The following SV2C variants were observed in gnomAD, a reference collection of about 807,000 sequenced individuals.
The protein encoded by SV2C is solute carrier family 22 member B3.
In SV2C, 49 loss-of-function variants were observed where a neutral mutation model predicts 79.7. The observed-to-expected ratio is 0.61, with a 90% confidence interval of 0.49 to 0.78. SV2C has a LOEUF of 0.78. Among genes scored for constraint, SV2C ranks in the 30% least tolerant of loss-of-function variants. The pLI is 0.00. For missense variants in SV2C, 833 were observed against 912.9 expected, an observed-to-expected ratio of 0.91 and a Z score of 1.13; for synonymous variants, 334 against 333.2, an observed-to-expected ratio of 1.00 and a Z score of -0.03.
the SV2C span, among the ~76,000 whole-genome samples, chr5:76,048,302 C>T: frequency 3.1e-4 from 47 of 152,226 alleles, 1 homozygote; most frequent in South Asian, 8.9e-3. Context: ...CACCGATGTC[C>T]GAGGGCAAGA....
intron 9 of SV2C, among the ~76,000 whole-genome samples, chr5:76,296,999 A>T (rs1482346342): frequency 1.3e-5 from 2 of 152,188 alleles, no homozygotes; most frequent in Non-Finnish European, 2.9e-5. Flanking sequence ...CTCCATTAGA[A>T]ATTTCTAATA....
chr5:76,022,811 C>T, the SV2C span, among the ~76,000 whole-genome samples: 1 of 152,178 alleles, frequency 6.6e-6, no homozygotes, highest in South Asian at 2.1e-4. Flanking sequence ...GCTTCTGCTA[C>T]ATCAGCATCT....
chr5:76,026,312 A>G, the SV2C span, among the ~76,000 whole-genome samples: 1 of 152,102 alleles, frequency 6.6e-6, no homozygotes, highest in Non-Finnish European at 1.5e-5. Flanking sequence ...GTGCAAATGA[A>G]GACTTTTTCT....
chr5:76,036,579 C>G, the SV2C span, among the ~76,000 whole-genome samples: 1 of 152,208 alleles, frequency 6.6e-6, no homozygotes, highest in South Asian at 2.1e-4. Context: ...GGCCCCCACT[C>G]TCTTCTGGCA....
At chr5:76,064,642 A>G in the SV2C span, among the ~76,000 whole-genome samples, 1 of 152,142 alleles carries the variant, frequency 6.6e-6, no homozygotes, top group African/African-American at 2.4e-5. Context: ...TACAATTCAA[A>G]TACCAAGGAA....
the SV2C span, among the ~76,000 whole-genome samples, chr5:76,041,539 C>G: frequency 2.6e-5 from 4 of 152,134 alleles, no homozygotes; most frequent in African/African-American, 7.2e-5. Context: ...CTCAGGACAT[C>G]TGGGCAAGGA....
the SV2C span, among the ~76,000 whole-genome samples, chr5:75,913,330 C>G: frequency 3.3e-5 from 5 of 152,264 alleles, 1 homozygote; most frequent in Middle Eastern, 6.8e-3. Flanking sequence ...ATAACTGTAT[C>G]ATGCTTCTGA....
the SV2C span, among the ~76,000 whole-genome samples, chr5:75,919,344 C>G: frequency 3.3e-5 from 5 of 152,314 alleles, no homozygotes; most frequent in East Asian, 5.8e-4. Context: ...CAGTGTTTTT[C>G]TACCTTATGC....
At chr5:75,999,909 T>C in the SV2C span, among the ~76,000 whole-genome samples, 6 of 152,222 alleles carry the variant, frequency 3.9e-5, no homozygotes, top group South Asian at 1.2e-3. Flanking sequence ...AGAGGCAATA[T>C]CTTTTATAAG....
the SV2C span, among the ~76,000 whole-genome samples, chr5:75,898,021 C>G: frequency 1.3e-5 from 2 of 151,850 alleles, no homozygotes; most frequent in Admixed American, 6.6e-5. Flanking sequence ...CAAACAGGGA[C>G]AATTTGACTT....
At chr5:75,861,181 A>G in the SV2C span, among the ~76,000 whole-genome samples, 1 of 152,250 alleles carries the variant, frequency 6.6e-6, no homozygotes, top group African/African-American at 2.4e-5. Flanking sequence ...GAACATGAAC[A>G]GGGACTTCTC....
the SV2C span, among the ~76,000 whole-genome samples, chr5:76,051,932 T>C: frequency 2.6e-5 from 4 of 152,234 alleles, no homozygotes; most frequent in Admixed American, 6.5e-5. Flanking sequence ...GTCACTTCTT[T>C]ATTCTCTGCA....
At chr5:75,921,097 G>A in the SV2C span, 27 of 790,716 alleles carry the variant, frequency 3.4e-5, no homozygotes, top group Non-Finnish European at 5.8e-5. Flanking sequence ...ACTCCTGGGT[G>A]AGGGCATTGT....
At chr5:76,029,514 T>C in the SV2C span, among the ~76,000 whole-genome samples, 9 of 151,980 alleles carry the variant, frequency 5.9e-5, no homozygotes, top group Non-Finnish European at 1.0e-4. Flanking sequence ...CAGTGATTCC[T>C]CAACCAAAAT....
the SV2C span, among the ~76,000 whole-genome samples, chr5:76,073,503 GTATATATATATATATATATATATA>G: frequency 2.4e-4 from 16 of 67,448 alleles, no homozygotes; most frequent in South Asian, 5.6e-4. Context: ...GTATGTGTGT[GTATATATATATATATATATATATA>G]TATATATATA....
intron 2 of SV2C, among the ~76,000 whole-genome samples, chr5:76,175,716 C>G (rs1743505507): frequency 1.3e-5 from 2 of 152,176 alleles, no homozygotes; most frequent in Non-Finnish European, 2.9e-5. Context: ...AAATCACATA[C>G]AATTTATTTC....
chr5:76,276,489 G>A (rs1257148577), intron 4 of SV2C, among the ~76,000 whole-genome samples: 1 of 152,088 alleles, frequency 6.6e-6, no homozygotes, highest in East Asian at 1.9e-4. Context: ...GCATGTGCCT[G>A]GCTAACTTTT....
chr5:75,880,848 A>T, the SV2C span, among the ~76,000 whole-genome samples: 1 of 152,216 alleles, frequency 6.6e-6, no homozygotes, highest in Non-Finnish European at 1.5e-5. Flanking sequence ...ATTGCTATAA[A>T]GAAATACCTG....
chr5:75,910,672 C>T, the SV2C span: 95 of 1,156,642 alleles, frequency 8.2e-5, 1 homozygote, highest in South Asian at 1.6e-4. Context: ...AGAAGAAAGA[C>T]GAGGCCAAGA....
Sources: gnomAD v4.1 joint callset for allele counts (sites outside exome capture counted in the v4.1 genomes callset) on GRCh38, gnomAD v4.1.1 for gene constraint, MANE v1.5 for transcripts, NCBI Gene and HGNC (gene_info 2026-07-23, HGNC 2026-07-21) for gene names.